MRTFB: variants seen among roughly 807,000 people sequenced by gnomAD.
The protein encoded by MRTFB is myocardin related transcription factor B, also known as myocardin-related transcription factor B.
A neutral mutation model predicts 104.2 loss-of-function variants in MRTFB; 29 were observed. The observed-to-expected ratio is 0.28, with a 90% CI of 0.21 to 0.38. The LOEUF is 0.38. Among genes scored for constraint, MRTFB ranks in the 10% least tolerant of loss-of-function variants. MRTFB has a pLI of 1.00. For missense variants in MRTFB, 1,270 were observed against 1,341.6 expected (o/e 0.95, Z 0.83); for synonymous variants, 535 against 519.5 (o/e 1.03, Z -0.41).
At position 14,257,749 on chromosome 16, in the gene MRTFB, A is replaced by G. The variant is rs1289273157; in HGVS notation, c.2704-352A>G. ...CAGGTAAATCTCAATAGAACTGAAC[A>G]AATATGTATAGTGTGATCACCTTTG... On this transcript the variant is annotated intron_variant, in intron 15 of 16. Transcript: ENST00000571589. 2.0e-5 allele frequency among the ~76,000 whole-genome samples: 3 copies of G among 152,254 alleles called. No individual in the cohort carries two copies. The East Asian group carries it at 5.8e-4, about 29-fold the overall frequency.
intron 3 of MRTFB, among the ~76,000 whole-genome samples, chr16:14,169,428 C>A (rs1350641793): frequency 1.4e-5 from 2 of 141,844 alleles, no homozygotes; most frequent in African/African-American, 6.2e-5. Context: ...ATGAAAACAC[C>A]TTTTTTTAAC....
At chr16:14,092,692 A>T (rs936821405) in intron 2 of MRTFB, 25 of 152,206 alleles carry the variant, frequency 1.6e-4, no homozygotes, top group African/African-American at 6.0e-4. Context: ...TAACTGACTC[A>T]TGGGATGAAA....
intron 3 of MRTFB, among the ~76,000 whole-genome samples, chr16:14,165,582 C>T (rs1286036941): frequency 6.6e-6 from 1 of 152,174 alleles, no homozygotes; most frequent in East Asian, 1.9e-4. Context: ...ATTATTCTCT[C>T]TTGGGACTTG....
At chr16:14,052,916 C>T in the MRTFB span, among the ~76,000 whole-genome samples, 1 of 152,214 alleles carries the variant, frequency 6.6e-6, no homozygotes, top group Admixed American at 6.5e-5. Flanking sequence ...ATTCTACCCT[C>T]TGCCTCCATG....
chr16:13,994,774 G>C, the MRTFB span, among the ~76,000 whole-genome samples: 1 of 152,206 alleles, frequency 6.6e-6, no homozygotes, highest in East Asian at 1.9e-4. Flanking sequence ...TATAGGTGCT[G>C]TTTGTTTAAT....
intron 2 of MRTFB, among the ~76,000 whole-genome samples, chr16:14,139,681 G>A (rs530245263): frequency 5.3e-5 from 8 of 152,278 alleles, no homozygotes; most frequent in Admixed American, 2.6e-4. Context: ...ATACCTGTAC[G>A]GGAGCATTTG....
At chr16:14,128,490 C>G (rs2037270742) in intron 2 of MRTFB, among the ~76,000 whole-genome samples, 1 of 152,188 alleles carries the variant, frequency 6.6e-6, no homozygotes, top group Non-Finnish European at 1.5e-5. Context: ...ATGCCTTCAC[C>G]TACTGCGGCC....
chr16:14,076,695 A>G (rs773866717), intron 1 of MRTFB, among the ~76,000 whole-genome samples: 19 of 152,194 alleles, frequency 1.2e-4, no homozygotes, highest in Admixed American at 6.5e-5. Flanking sequence ...TCAGTGGGCA[A>G]TGCATTTATA....
intron 3 of MRTFB, among the ~76,000 whole-genome samples, chr16:14,198,411 G>A (rs540698170): frequency 6.6e-6 from 1 of 152,234 alleles, no homozygotes; most frequent in South Asian, 2.1e-4. Context: ...ACTTCTTTAG[G>A]AAAGACTTTA....
At chr16:14,161,276 T>C (rs879929592) in intron 3 of MRTFB, among the ~76,000 whole-genome samples, 11 of 152,106 alleles carry the variant, frequency 7.2e-5, no homozygotes, top group South Asian at 4.1e-4. Context: ...TATAGTACTT[T>C]AGACAGATAG....
chr16:14,173,938 T>C (rs2039500415), intron 3 of MRTFB, among the ~76,000 whole-genome samples: 1 of 152,198 alleles, frequency 6.6e-6, no homozygotes, highest in Non-Finnish European at 1.5e-5. Context: ...ATTTTTCCTT[T>C]TTTATGAGTT....
chr16:14,129,978 G>T (rs2037356246), intron 2 of MRTFB, among the ~76,000 whole-genome samples: 1 of 152,120 alleles, frequency 6.6e-6, no homozygotes, highest in Non-Finnish European at 1.5e-5. Flanking sequence ...ACAGGCTCGT[G>T]CCACCATGGC....
At chr16:14,024,195 T>C in the MRTFB span, among the ~76,000 whole-genome samples, 1 of 152,238 alleles carries the variant, frequency 6.6e-6, no homozygotes, top group African/African-American at 2.4e-5. Context: ...ATTTTGTCTG[T>C]GCATTTGCTC....
At chr16:14,175,301 G>A (rs760007430) in intron 3 of MRTFB, among the ~76,000 whole-genome samples, 62 of 152,076 alleles carry the variant, frequency 4.1e-4, no homozygotes, top group Non-Finnish European at 6.6e-4. Context: ...ATTTCCTCAC[G>A]CCTGTTTATA....
At chr16:14,134,327 ACT>A (rs2037594766) in intron 2 of MRTFB, among the ~76,000 whole-genome samples, 1 of 152,128 alleles carries the variant, frequency 6.6e-6, no homozygotes, top group Non-Finnish European at 1.5e-5. Flanking sequence ...ACAAATAAAA[ACT>A]CTACTTAGAA....
the MRTFB span, among the ~76,000 whole-genome samples, chr16:14,024,136 G>A: frequency 5.2e-4 from 79 of 151,816 alleles, no homozygotes; most frequent in African/African-American, 1.7e-3. Flanking sequence ...TCACATTGCC[G>A]CCTCCTATTG....
the MRTFB span, among the ~76,000 whole-genome samples, chr16:14,029,372 C>T: frequency 6.9e-6 from 1 of 144,822 alleles, no homozygotes; most frequent in Non-Finnish European, 1.5e-5. Context: ...AGATATTACA[C>T]TCCAGCCTGG....
intron 1 of MRTFB, among the ~76,000 whole-genome samples, chr16:14,078,492 C>A (rs2034200472): frequency 2.0e-5 from 3 of 151,968 alleles, no homozygotes; most frequent in African/African-American, 7.3e-5. Context: ...GGCAGTGGCA[C>A]AGTTATGGCT....
At position 14,193,451 on chromosome 16, in the gene MRTFB, C is replaced by T. The variant is rs118180419; in HGVS notation, c.155-16792C>T. Among the ~76,000 whole-genome samples the T allele has an allele frequency of 5.2e-3, 787 of 152,252 alleles. 5 individuals are homozygous for T. Among genetic ancestry groups the T allele is most frequent in the Non-Finnish European group, 8.3e-3 (566 of 68,016 alleles). On this transcript the variant is annotated intron_variant, in intron 3 of 16. Transcript: ENST00000571589. ...CCCTGGCCTGAGCACCTGCAGCTCACCCTTTCAGTTTCACTTCAGATGTCG... is the reference window on the plus strand; with the variant it reads ...CCCTGGCCTGAGCACCTGCAGCTCATCCTTTCAGTTTCACTTCAGATGTCG...
Sources: gnomAD v4.1 joint callset for allele counts (sites outside exome capture counted in the v4.1 genomes callset) on GRCh38, gnomAD v4.1.1 for gene constraint, MANE v1.5 for transcripts, NCBI Gene and HGNC (gene_info 2026-07-23, HGNC 2026-07-21) for gene names.